Variants in ZFPM2 observed in about 807,000 individuals in gnomAD.
The protein encoded by ZFPM2 is zinc finger protein, FOG family member 2, also known as zinc finger protein ZFPM2.
Under a neutral mutation model 98.6 loss-of-function variants are expected in ZFPM2, and 20 were observed. The ratio of observed to expected loss-of-function variants is 0.20; its 90% CI spans 0.14 to 0.29. ZFPM2 has a LOEUF of 0.29. Among genes scored for constraint, ZFPM2 ranks in the 10% least tolerant of loss-of-function variants. ZFPM2 has a pLI of 1.00. For missense variants in ZFPM2, 1,310 were observed against 1,388.6 expected, an observed-to-expected ratio of 0.94 and a Z score of 0.90; for synonymous variants, 518 against 502.7, an observed-to-expected ratio of 1.03 and a Z score of -0.41.
At chr8:105,448,178 GT>G (rs575306220) in intron 3 of ZFPM2, among the ~76,000 whole-genome samples, 75 of 152,036 alleles carry the variant, frequency 4.9e-4, no homozygotes, top group Admixed American at 8.5e-4. Context: ...TCTCAAGTCT[GT>G]TTTTTAATGT....
intron 1 of ZFPM2, among the ~76,000 whole-genome samples, chr8:105,407,303 G>A (rs1203359012): frequency 1.3e-5 from 2 of 151,772 alleles, no homozygotes; most frequent in Admixed American, 6.6e-5. Flanking sequence ...TTTACTTCAC[G>A]CTATTTACAC....
intron 4 of ZFPM2, among the ~76,000 whole-genome samples, chr8:105,625,624 A>G (rs1344780430): frequency 6.6e-6 from 1 of 150,750 alleles, no homozygotes; most frequent in African/African-American, 2.4e-5. Context: ...CTTATACCCC[A>G]GGCTGGAGTG....
At chr8:105,327,036 A>T (rs995963800) in intron 1 of ZFPM2, among the ~76,000 whole-genome samples, 2 of 151,502 alleles carry the variant, frequency 1.3e-5, no homozygotes, top group African/African-American at 2.4e-5. Flanking sequence ...GATATATTTA[A>T]TGTTATTTGT....
At chr8:105,517,704 A>ACCC (rs1813960416) in intron 3 of ZFPM2, among the ~76,000 whole-genome samples, 2 of 40,052 alleles carry the variant, frequency 5.0e-5, no homozygotes, top group Admixed American at 3.0e-4. Flanking sequence ...ACACACACAC[A>ACCC]CACCACACAC....
At chr8:105,482,922 C>A (rs1813150095) in intron 3 of ZFPM2, among the ~76,000 whole-genome samples, 1 of 143,232 alleles carries the variant, frequency 7.0e-6, no homozygotes. Context: ...TCTTTACTTC[C>A]CCTTTCCTTT....
chr8:105,750,192 T>G (rs1812444226), intron 5 of ZFPM2, among the ~76,000 whole-genome samples: 1 of 152,006 alleles, frequency 6.6e-6, no homozygotes, highest in Non-Finnish European at 1.5e-5. Flanking sequence ...AAACCAAATC[T>G]CAGGGAGTTT....
intron 2 of ZFPM2, among the ~76,000 whole-genome samples, chr8:105,437,437 A>T (rs1482717482): frequency 6.6e-6 from 1 of 152,152 alleles, no homozygotes; most frequent in Non-Finnish European, 1.5e-5. Flanking sequence ...TAATCATATG[A>T]AACTACTTGT....
chr8:105,552,112 T>G (rs949965055), intron 3 of ZFPM2, among the ~76,000 whole-genome samples: 1 of 152,214 alleles, frequency 6.6e-6, no homozygotes, highest in Admixed American at 6.5e-5. Context: ...TCTTTAAAAA[T>G]TATTTCTTCC....
intron 4 of ZFPM2, among the ~76,000 whole-genome samples, chr8:105,572,555 C>T (rs1446073880): frequency 3.3e-5 from 5 of 152,026 alleles, no homozygotes; most frequent in Admixed American, 6.6e-5. Context: ...ACAACCTCCG[C>T]CTCCCAGGTT....
chr8:105,456,446 G>A (rs1363624325), intron 3 of ZFPM2, among the ~76,000 whole-genome samples: 1 of 151,678 alleles, frequency 6.6e-6, no homozygotes, highest in Non-Finnish European at 1.5e-5. Flanking sequence ...AATTTTCTTG[G>A]TAAATTAATA....
intron 5 of ZFPM2, chr8:105,662,216 ACAGT>A (rs1817403191): frequency 6.6e-6 from 1 of 152,308 alleles, no homozygotes. Flanking sequence ...ATCCCAGCAC[ACAGT>A]CAGGGGCTTG....
At chr8:105,418,372 T>C (rs111805314) in intron 1 of ZFPM2, among the ~76,000 whole-genome samples, 1 of 152,156 alleles carries the variant, frequency 6.6e-6, no homozygotes, top group South Asian at 2.1e-4. Context: ...GGTATTCCCA[T>C]GTAGTCCACT....
chr8:105,525,022 G>T (rs1814145240), intron 3 of ZFPM2, among the ~76,000 whole-genome samples: 1 of 152,072 alleles, frequency 6.6e-6, no homozygotes, highest in South Asian at 2.1e-4. Context: ...CTTCTTCCAC[G>T]GGAAAATTTT....
At chr8:105,667,656 T>A (rs1347888234) in intron 5 of ZFPM2, among the ~76,000 whole-genome samples, 3 of 152,150 alleles carry the variant, frequency 2.0e-5, no homozygotes, top group Non-Finnish European at 4.4e-5. Context: ...TAGAGTTCAA[T>A]CAAAACAACA....
At chr8:105,753,076 G>T (rs7838094) in intron 5 of ZFPM2, among the ~76,000 whole-genome samples, 1 of 151,952 alleles carries the variant, frequency 6.6e-6, no homozygotes, top group South Asian at 2.1e-4. Context: ...AGAGGCCAGG[G>T]TCACCCAAAG....
At chr8:105,591,099 T>C (rs189911824) in intron 4 of ZFPM2, among the ~76,000 whole-genome samples, 2 of 152,284 alleles carry the variant, frequency 1.3e-5, no homozygotes, top group East Asian at 3.9e-4. Context: ...CTTAGCTTAA[T>C]ATTCACAGAT....
At chr8:105,493,773 CCA>C (rs534797204) in intron 3 of ZFPM2, among the ~76,000 whole-genome samples, 55 of 152,216 alleles carry the variant, frequency 3.6e-4, no homozygotes, top group African/African-American at 1.3e-3. Flanking sequence ...TTGCTTCTAA[CCA>C]CAGTCTTTTG....
In ZFPM2 at chr8:105,802,947, A is replaced by G. The variant is rs1322241437; in HGVS notation, c.2865A>G (p.Lys955=). The change falls in exon 8 of 8, where the codon AAA becomes AAG. Residue 955 remains lysine (K), a synonymous_variant. Coordinates refer to ENST00000407775, the MANE Select transcript of ZFPM2 (RefSeq NM_012082.4). ...FSEAAQLIAT[K]EENRHLFLPQ... is the part of the protein sequence containing the mutation. ...AAGCTGCTCAGCTCATTGCTACAAA[A>G]GAAGAAAACAGACATTTGTTTCTTC... 1 of 1,612,864 alleles carries G rather than the reference A, an allele frequency of 6.2e-7. No homozygotes were observed. The highest frequency in any genetic ancestry group is 2.2e-5 in the East Asian group (1 of 44,834).
At chr8:105,666,756 G>A (rs1268895691) in intron 5 of ZFPM2, among the ~76,000 whole-genome samples, 1 of 150,878 alleles carries the variant, frequency 6.6e-6, no homozygotes, top group Non-Finnish European at 1.5e-5. Flanking sequence ...CATGAATCAA[G>A]GCAGTGGTAC....
Sources: allele counts gnomAD v4.1 joint callset (sites outside exome capture counted in the v4.1 genomes callset), GRCh38; gene constraint gnomAD v4.1.1; transcripts MANE v1.5; gene names NCBI Gene and HGNC (gene_info 2026-07-23, HGNC 2026-07-21).